Variants in PRKCH observed in about 807,000 individuals in gnomAD.
PRKCH encodes protein kinase C eta type.
PRKCH carries 28 observed loss-of-function variants against 82.5 expected under a neutral mutation model. The ratio of observed to expected loss-of-function variants is 0.34; its 90% CI spans 0.25 to 0.47. The LOEUF (loss-of-function observed/expected upper bound fraction) is 0.47, where lower values mean the gene tolerates loss of function less well. PRKCH is among the 20% of genes least tolerant of loss of function. PRKCH has a pLI of 1.00. For synonymous variants in PRKCH, 322 were observed against 327.4 expected (o/e 0.98, Z 0.18); for missense variants, 705 against 881.8 (o/e 0.80, Z 2.54).
chr14:61,257,869 C>T (rs2045012853), intron 1 of PRKCH, among the ~76,000 whole-genome samples: 1 of 152,100 alleles, frequency 6.6e-6, no homozygotes, highest in Non-Finnish European at 1.5e-5. Context: ...CCCCTGATAC[C>T]ATAAAATGCT....
At position 61,332,778 on chromosome 14, in the gene PRKCH, C is replaced by T. The variant is rs147820098; in HGVS notation, c.363+10314C>T. 3.4e-3 allele frequency among the ~76,000 whole-genome samples: 513 copies of T among 152,360 alleles called. 1 individual carries two copies. Among genetic ancestry groups the T allele is most frequent in the African/African-American group, 0.011 (468 of 41,584 alleles). On this transcript the variant is annotated intron_variant, in intron 1 of 13. Transcript: ENST00000332981. ...AAGCTGCATATTTATTCGTAAGTCA[C>T]ATCTGTCCCTTGTACTAGCATAGCT...
At chr14:61,390,143 G>A (rs1333850838) in intron 1 of PRKCH, among the ~76,000 whole-genome samples, 1 of 152,216 alleles carries the variant, frequency 6.6e-6, no homozygotes, top group South Asian at 2.1e-4. Flanking sequence ...GGATAGTGAA[G>A]TTAGCATCCG....
chr14:61,235,005 AC>A (rs1324408080), intron 1 of PRKCH, among the ~76,000 whole-genome samples: 1 of 152,032 alleles, frequency 6.6e-6, no homozygotes, highest in African/African-American at 2.4e-5. Context: ...CTGCTGCATG[AC>A]CCCCGTATCC....
intron 1 of PRKCH, among the ~76,000 whole-genome samples, chr14:61,316,160 G>T (rs775863660): frequency 6.1e-4 from 93 of 152,158 alleles, no homozygotes; most frequent in Admixed American, 1.6e-3. Flanking sequence ...GGCTGAACTG[G>T]TTCTTTAGGC....
intron 1 of PRKCH, among the ~76,000 whole-genome samples, chr14:61,214,254 T>A (rs1007846830): frequency 6.6e-6 from 1 of 152,124 alleles, no homozygotes; most frequent in African/African-American, 2.4e-5. Flanking sequence ...GTTAAGTGAA[T>A]GGCTTCTCCA....
upstream of PRKCH, among the ~76,000 whole-genome samples, chr14:61,318,780 AC>A (rs1259171954): frequency 6.6e-6 from 1 of 151,474 alleles, no homozygotes; most frequent in East Asian, 1.9e-4. Flanking sequence ...CTTCCAATCC[AC>A]CCCCGAGAGA....
chr14:61,518,967 C>A (rs1043830914), intron 10 of PRKCH, among the ~76,000 whole-genome samples: 1 of 152,056 alleles, frequency 6.6e-6, no homozygotes, highest in Non-Finnish European at 1.5e-5. Context: ...AGTGTGCCAC[C>A]ATACCTGGCT....
chr14:61,389,247 G>A (rs1030581221), intron 1 of PRKCH, among the ~76,000 whole-genome samples: 1 of 152,150 alleles, frequency 6.6e-6, no homozygotes, highest in African/African-American at 2.4e-5. Flanking sequence ...CTACTTGGGG[G>A]GCTGAGGCAG....
rs546455303 is a variant in PRKCH at position 61,364,111 on chromosome 14, G to A, written c.364-27114G>A. ...TGGTTTTGAACTCCTGGCCTCAGGC[G>A]ATCCTCCTGCCTTGGCCTCCCAAAG... On this transcript the variant is annotated intron_variant, in intron 1 of 13. Coordinates refer to ENST00000332981, the MANE Select transcript of PRKCH (RefSeq NM_006255.5). Among the ~76,000 whole-genome samples, 25 of 150,668 alleles carry A rather than the reference G, an allele frequency of 1.7e-4. No homozygotes were observed. In the South Asian group the frequency reaches 5.0e-3, roughly 30 times the overall value.
rs145492497 is a variant in PRKCH, at chr14:61,351,555, G to A, written c.363+29091G>A. Among the ~76,000 whole-genome samples, 236 of 152,276 alleles carry A rather than the reference G, an allele frequency of 1.5e-3. 1 individual carries two copies. Among genetic ancestry groups the A allele is most frequent in the South Asian group, 0.012 (56 of 4,816 alleles). ...ATTTGTTCTAAATACACGAAAGCACGCCTGCTTGTTAGAAGGACATATTTG... is the reference window on the plus strand; with the variant it reads ...ATTTGTTCTAAATACACGAAAGCACACCTGCTTGTTAGAAGGACATATTTG... On this transcript the variant is annotated intron_variant, in intron 1 of 13. Transcript: ENST00000332981.
chr14:61,201,469 C>CT (rs1358863421), intron 1 of PRKCH, among the ~76,000 whole-genome samples: 1 of 152,006 alleles, frequency 6.6e-6, no homozygotes, highest in African/African-American at 2.4e-5. Context: ...ATTATAAACG[C>CT]TTTTTTGATT....
chr14:61,519,320 T>TG (rs1332233921), intron 10 of PRKCH, among the ~76,000 whole-genome samples: 2 of 150,618 alleles, frequency 1.3e-5, no homozygotes, highest in Non-Finnish European at 3.0e-5. Flanking sequence ...AATGAATGAA[T>TG]AAATAAAATT....
At chr14:61,540,921 T>G (rs892958881) in intron 12 of PRKCH, among the ~76,000 whole-genome samples, 1 of 152,254 alleles carries the variant, frequency 6.6e-6, no homozygotes, top group Non-Finnish European at 1.5e-5. Context: ...GATTACAGTT[T>G]GTTTCCCCAG....
At chr14:61,490,843 G>A (rs771215478) in intron 10 of PRKCH, among the ~76,000 whole-genome samples, 12 of 152,126 alleles carry the variant, frequency 7.9e-5, no homozygotes, top group African/African-American at 2.4e-4. Flanking sequence ...ACTTGAGCAC[G>A]GGAGGTGTAG....
intron 1 of PRKCH, among the ~76,000 whole-genome samples, chr14:61,246,091 A>G (rs1376630672): frequency 6.6e-6 from 1 of 152,082 alleles, no homozygotes; most frequent in Non-Finnish European, 1.5e-5. Flanking sequence ...TGCAGTGTCC[A>G]CTTGCAACAT....
chr14:61,453,282 G>A lies in PRKCH; in HGVS notation c.889G>A (p.Val297Ile). The A allele has an allele frequency of 6.2e-7, 1 of 1,614,196 alleles. No homozygotes were observed. Among genetic ancestry groups the A allele is most frequent in the Non-Finnish European group, 8.5e-7 (1 of 1,180,032 alleles). ...AGCGAACGTGGCCCCTAACTGTGGG[G>A]TAAATGCGGTGGAACTTGCCAAGAC... ...CQANVAPNCG[V>I]NAVELAKTLA... The change falls in exon 7 of 14, where the codon GTA becomes ATA. Residue 297 changes from valine (V) to isoleucine (I), a missense_variant. Around this residue, in one of 5 missense-constraint regions of PRKCH, gnomAD observed 238 missense variants for 258.1 expected, o/e 0.92. Coordinates refer to ENST00000332981, the MANE Select transcript of PRKCH (RefSeq NM_006255.5).
intron 9 of PRKCH, among the ~76,000 whole-genome samples, chr14:61,459,756 C>CAT (rs778036605): frequency 6.6e-6 from 1 of 152,092 alleles, no homozygotes; most frequent in Non-Finnish European, 1.5e-5. Flanking sequence ...TACATAAAAG[C>CAT]ATATATATAC....
intron 1 of PRKCH, among the ~76,000 whole-genome samples, chr14:61,381,501 A>G (rs757807818): frequency 7.9e-5 from 12 of 152,228 alleles, no homozygotes; most frequent in Admixed American, 5.9e-4. Flanking sequence ...GTATTTGCCT[A>G]TTGCAACTTC....
chr14:61,453,864 C>T (rs896731140), intron 7 of PRKCH, among the ~76,000 whole-genome samples: 11 of 151,556 alleles, frequency 7.3e-5, no homozygotes, highest in Non-Finnish European at 2.9e-5. Flanking sequence ...CACTTTGTTG[C>T]GCAGGCTGGT....
Sources: allele counts gnomAD v4.1 joint callset (sites outside exome capture counted in the v4.1 genomes callset), GRCh38; gene constraint gnomAD v4.1.1; regional missense constraint gnomAD v4.1.1; transcripts MANE v1.5; gene names NCBI Gene and HGNC (gene_info 2026-07-23, HGNC 2026-07-21).